Variants in NDUFA2 observed in about 807,000 individuals in gnomAD.
The protein encoded by NDUFA2 is NADH:ubiquinone oxidoreductase subunit A2, also known as NADH dehydrogenase [ubiquinone] 1 alpha subcomplex subunit 2.
Under a neutral mutation model 11.4 loss-of-function variants are expected in NDUFA2, and 9 were observed. The observed-to-expected ratio is 0.79, with a 90% CI of 0.48 to 1.38. The LOEUF (loss-of-function observed/expected upper bound fraction) is 1.38. Ranked by LOEUF, NDUFA2 falls within the 40% of genes most tolerant of loss-of-function variation. The pLI is 0.00. For synonymous variants in NDUFA2, 49 were observed against 54.0 expected (o/e 0.91, Z 0.41); for missense variants, 150 against 131.2 (o/e 1.14, Z -0.70).
In NDUFA2 at chr5:140,647,473, C is replaced by T; in HGVS notation, c.101+10G>A. The T allele has an allele frequency of 1.9e-6, 3 of 1,611,784 alleles. No homozygotes were observed. The highest frequency in any genetic ancestry group is 1.7e-6 in the Non-Finnish European group (2 of 1,179,746). On this transcript the variant is annotated intron_variant, in intron 1 of 2. Coordinates refer to ENST00000252102, the MANE Select transcript of NDUFA2 (RefSeq NM_002488.5). ...CCGAAGCCCGCCCGCCTCACCACGC[C>T]GCGCCTCACCTGACGCCCTGGCTGC...
Position 140,645,608 on chromosome 5 carries a change from G to A in NDUFA2, c.279C>T (p.Asn93=), listed in dbSNP as rs769477893. Residue 93 remains asparagine, a synonymous_variant, in exon 3 of 3, where the codon AAC becomes AAT. Coordinates refer to ENST00000252102, the MANE Select transcript of NDUFA2 (RefSeq NM_002488.5). ...GGCTTCAGGCTTTACCACTTAGAAC[G>A]TTCTCCAGGGCTCTGGTTACCTGAT... The part of the protein sequence containing the change: ...SADQVTRALE[N]VLSGKA The A allele has an allele frequency of 1.2e-5, 19 of 1,614,014 alleles. No homozygotes were observed. The Admixed American group carries it at 2.2e-4, about 18-fold the overall frequency.
chr5:140,645,307 T>G lies in NDUFA2; in HGVS notation c.*280A>C. Reference sequence around the variant, plus strand: ...GGGACTCAGTGTGGTCTACTTACTCTGGGGCCCTAGAATCCCTGCCCCCCC... The same window carrying G: ...GGGACTCAGTGTGGTCTACTTACTCGGGGGCCCTAGAATCCCTGCCCCCCC... On this transcript the variant is annotated 3_prime_UTR_variant, in exon 3 of 3. Transcript: ENST00000252102. The G allele has an allele frequency of 1.4e-6, 1 of 719,192 alleles. No individual in the cohort carries two copies. The highest frequency in any genetic ancestry group is 2.1e-5 in the Admixed American group (1 of 47,110). The allele number at this position is 719,192 out of a possible 1,614,324, so 44.6% of individuals were successfully genotyped here. A position where few individuals can be genotyped will look rare whatever the true frequency, so the allele number is the denominator to read the frequency against.
At chr5:140,646,873 AAGCACTC>A (rs1757432405) in intron 2 of NDUFA2, among the ~76,000 whole-genome samples, 2 of 152,176 alleles carry the variant, frequency 1.3e-5, no homozygotes, top group Admixed American at 1.3e-4. Context: ...TTAGGCAGGG[AAGCACTC>A]AGCACAGGGC....
chr5:140,647,601 TCG>T lies in NDUFA2; in HGVS notation c.-20_-19del. 1 of 1,607,372 alleles carries T rather than the reference TCG, an allele frequency of 6.2e-7. No individual in the cohort carries two copies. On this transcript the variant is annotated 5_prime_UTR_variant, in exon 1 of 3. Coordinates refer to ENST00000252102, the MANE Select transcript of NDUFA2 (RefSeq NM_002488.5). ...GCCGCCATCCTTGTTAATATCGAAG[TCG>T]CCAATTCCAGGTCTTCAGGCCAAGT... is the stretch of plus-strand genomic sequence containing the variant.
intron 2 of NDUFA2, 31 bp from the exon 3 acceptor site, chr5:140,645,709 A>C (rs371241398): frequency 6.2e-7 from 1 of 1,614,036 alleles, no homozygotes; most frequent in Non-Finnish European, 8.5e-7. Context: ...GTCTTTAACT[A>C]TTCTGCACCC....
chr5:140,647,126 G>T, intron 2 of NDUFA2, 130 bp downstream of exon 2: 2 of 1,016,242 alleles, frequency 2.0e-6, no homozygotes, highest in Non-Finnish European at 2.8e-6. Context: ...ATGGAAACAA[G>T]ATCAACAGCA....
chr5:140,647,561 C>T lies in NDUFA2; in HGVS notation c.23G>A (p.Arg8Gln), dbSNP rs1296193940. ...CAGGCCCAGCTTTGCCCCGACTCCT[C>T]GACTTGCTGCGGCCGCCGCCATCCT... Reference protein sequence around the residue: MAAAAASRGVGAKLGLRE... With the variant: MAAAAASQGVGAKLGLRE... The change falls in exon 1 of 3, where the codon CGA becomes CAA. Residue 8 changes from arginine to glutamine, a missense_variant. Transcript: ENST00000252102. 2 of 1,611,242 alleles carry T rather than the reference C, an allele frequency of 1.2e-6. No individual in the cohort carries two copies. Among genetic ancestry groups the T allele is most frequent in the Admixed American group, 3.3e-5 (2 of 60,020 alleles).
At position 140,647,286 on chromosome 5, in the gene NDUFA2, C is replaced by T. The variant is rs1757459475; in HGVS notation, c.178G>A (p.Asp60Asn). ...DLPILIRECS[D>N]VQPKLWARYA... ...CGGGCCCAGAGCTTGGGCTGCACAT[C>T]GGAGCATTCGCGGATTAGGATGGGT... Residue 60 changes from aspartate to asparagine, a missense_variant, in exon 2 of 3, where the codon GAT becomes AAT. Transcript: ENST00000252102. 2 of 1,569,644 alleles carry T rather than the reference C, an allele frequency of 1.3e-6. No individual in the cohort carries two copies. The highest frequency in any genetic ancestry group is 8.7e-7 in the Non-Finnish European group (1 of 1,155,572).
chr5:140,647,304 G>T lies in NDUFA2; in HGVS notation c.160C>A (p.Leu54Ile). 1 of 1,587,872 alleles carries T rather than the reference G, an allele frequency of 6.3e-7. No individual in the cohort carries two copies. Among genetic ancestry groups the T allele is most frequent in the Non-Finnish European group, 8.6e-7 (1 of 1,164,692 alleles). ...LKKANPDLPI[L>I]IRECSDVQPK... Reference sequence around the variant, plus strand: ...TGCACATCGGAGCATTCGCGGATTAGGATGGGTAGGTCGGGATTCGCCTTC... The same window carrying T: ...TGCACATCGGAGCATTCGCGGATTATGATGGGTAGGTCGGGATTCGCCTTC... Residue 54 changes from leucine to isoleucine, a missense_variant, in exon 2 of 3, where the codon CTA (leucine) becomes ATA (isoleucine). By Grantham distance (5) the Leu-to-Ile change is conservative. Transcript: ENST00000252102.
intron 2 of NDUFA2, 41 bp from the exon 3 acceptor site, chr5:140,645,719 C>A (rs1316670723): frequency 6.8e-6 from 11 of 1,613,984 alleles, no homozygotes; most frequent in Non-Finnish European, 9.3e-6. Flanking sequence ...ATTCTGCACC[C>A]TGGAGGCTAC....
At chr5:140,647,459 C>CCGCCTCACCACGCCG (rs745480793) in intron 1 of NDUFA2, 24 bp downstream of exon 1, 86 of 1,610,436 alleles carry the variant, frequency 5.3e-5, no homozygotes, top group South Asian at 6.6e-5. Context: ...CGAAGCCCGC[C>CCGCCTCACCACGCCG]CGCCTCACCA....
At position 140,645,686 on chromosome 5, in the gene NDUFA2, G is replaced by A. The variant is rs373000875; in HGVS notation, c.209-8C>T. On this transcript the variant is annotated splice_polypyrimidine_tract_variant and splice_region_variant and intron_variant, in intron 2 of 2. Coordinates refer to ENST00000252102, the MANE Select transcript of NDUFA2 (RefSeq NM_002488.5). ...TCGTCTCTTGGCCAAATGCTGAAGA[G>A]AGAGAGGGAGGTGTCTTTAACTATT... 6.2e-7 allele frequency: 1 copy of A among 1,614,216 alleles called. No homozygotes were observed. The highest frequency in any genetic ancestry group is 8.5e-7 in the Non-Finnish European group (1 of 1,180,018).
In NDUFA2 at chr5:140,647,492, T is replaced by C. The variant is rs963295784; in HGVS notation, c.92A>G (p.Gln31Arg). 4 of 1,612,438 alleles carry C rather than the reference T, an allele frequency of 2.5e-6. No individual in the cohort carries two copies. Among genetic ancestry groups the C allele is most frequent in the Admixed American group, 1.7e-5 (1 of 60,016 alleles). The change falls in exon 1 of 3, where the codon CAG (glutamine) becomes CGG (arginine). Residue 31 changes from glutamine (Q) to arginine (R), a missense_variant. Physicochemically the swap from Gln to Arg is conservative, Grantham distance 43. Transcript: ENST00000252102. ...IHLCQRSPGSQGVRDFIEKRY... is the reference protein window; with the variant it reads ...IHLCQRSPGSRGVRDFIEKRY... ...CCACGCCGCGCCTCACCTGACGCCC[T>C]GGCTGCCGGGCGAGCGCTGACATAA...
chr5:140,645,746 ATCTTTG>A (rs780805726), intron 2 of NDUFA2, 68 bp from the exon 3 acceptor site: 1 of 1,609,740 alleles, frequency 6.2e-7, no homozygotes, highest in East Asian at 2.2e-5. Context: ...AAAATAAAAG[ATCTTTG>A]TCTTTATCTT....
intron 1 of NDUFA2, 38 bp from the exon 2 acceptor site, chr5:140,647,400 G>A (rs1044297835): frequency 2.5e-6 from 4 of 1,610,834 alleles, no homozygotes; most frequent in African/African-American, 1.3e-5. Flanking sequence ...TGCTGTGGGC[G>A]GGGGCTTCCC....
chr5:140,647,093 AC>A, intron 2 of NDUFA2, 162 bp downstream of exon 2: 1 of 796,672 alleles, frequency 1.3e-6, no homozygotes, highest in South Asian at 2.0e-5. Flanking sequence ...GCATCATATA[AC>A]CCTGCGAATA....
chr5:140,645,513 A>G lies in NDUFA2; in HGVS notation c.*74T>C. On this transcript the variant is annotated 3_prime_UTR_variant, in exon 3 of 3. Coordinates refer to ENST00000252102, the MANE Select transcript of NDUFA2 (RefSeq NM_002488.5). ...AGCTTTATGAGGAATAGGAGAACAC[A>G]TTTTTTTCACATTATACTAAGTCCA... The G allele has an allele frequency of 6.3e-7, 1 of 1,579,132 alleles. No individual in the cohort carries two copies. Among genetic ancestry groups the G allele is most frequent in the Non-Finnish European group, 8.7e-7 (1 of 1,151,450 alleles).
At position 140,645,330 on chromosome 5, in the gene NDUFA2, C is replaced by G. The variant is rs189556993; in HGVS notation, c.*257G>C. The stretch of plus-strand genomic sequence containing the variant: ...TCTGGGGCCCTAGAATCCCTGCCCC[C>G]CCGCCACCCTTCATGTTTGCTTCAG... On this transcript the variant is annotated 3_prime_UTR_variant, in exon 3 of 3. Coordinates refer to ENST00000252102, the MANE Select transcript of NDUFA2 (RefSeq NM_002488.5). 16 of 732,232 alleles carry G rather than the reference C, an allele frequency of 2.2e-5. No homozygotes were observed. Among genetic ancestry groups the G allele is most frequent in the Admixed American group, 1.0e-4 (5 of 48,468 alleles). The allele number at this position is 732,232 out of a possible 1,614,324, so 45.4% of individuals were successfully genotyped here.
rs753137203 is a variant in NDUFA2 at position 140,647,376 on chromosome 5, G to A, written c.102-14C>T. ...TCAATGAAGTCCCTGCGGGGCCGGA[G>A]AGAGCGCCGCGCGTGCTGTGGGCGG... is the stretch of plus-strand genomic sequence containing the variant. On this transcript the variant is annotated splice_polypyrimidine_tract_variant and intron_variant, in intron 1 of 2. Transcript: ENST00000252102. 45 of 1,611,094 alleles carry A rather than the reference G, an allele frequency of 2.8e-5. 1 individual carries two copies. The South Asian group carries it at 4.8e-4, about 17-fold the overall frequency.
Sources: allele counts gnomAD v4.1 joint callset (sites outside exome capture counted in the v4.1 genomes callset), GRCh38; gene constraint gnomAD v4.1.1; transcripts MANE v1.5; gene names NCBI Gene and HGNC (gene_info 2026-07-23, HGNC 2026-07-21).